SIPA1L2: variants seen among roughly 807,000 people sequenced by gnomAD.
SIPA1L2 encodes signal-induced proliferation-associated 1-like protein 2.
SIPA1L2 carries 56 observed loss-of-function variants against 163.9 expected under a neutral mutation model. The ratio of observed to expected loss-of-function variants is 0.34; its 90% CI spans 0.28 to 0.43. SIPA1L2 has a LOEUF of 0.43. SIPA1L2 is among the 20% of genes least tolerant of loss of function. The pLI, the probability that SIPA1L2 is intolerant of heterozygous loss-of-function variation, is 1.00. For missense variants in SIPA1L2, 1,974 were observed against 2,193.5 expected (o/e 0.90, Z 2.00); for synonymous variants, 877 against 865.7 (o/e 1.01, Z -0.23).
At chr1:232,616,932 C>T (rs1457842167) in intron 1 of SIPA1L2, among the ~76,000 whole-genome samples, 1 of 152,138 alleles carries the variant, frequency 6.6e-6, no homozygotes, top group East Asian at 1.9e-4. Flanking sequence ...ATTTTGCCAG[C>T]CAGTTCTCTT....
intron 5 of SIPA1L2, among the ~76,000 whole-genome samples, chr1:232,486,461 GGAATCAGTGGATGT>G (rs1353346779): frequency 4.6e-5 from 7 of 152,130 alleles, no homozygotes; most frequent in Non-Finnish European, 1.5e-5. Flanking sequence ...TGGGCCCATG[GGAATCAGTGGATGT>G]GACTAAAGCA....
At position 232,449,458 on chromosome 1, in the gene SIPA1L2, C is replaced by T. The variant is rs149081737; in HGVS notation, c.3096-3672G>A. ...GCGTGAACCCAAGAGGCGGAGCTTG[C>T]AGTGAGCTGAGATAGTGCCACTGCA... On this transcript the variant is annotated intron_variant, in intron 10 of 22. Transcript: ENST00000674635. Among the ~76,000 whole-genome samples, 790 of 146,554 alleles carry T rather than the reference C, an allele frequency of 5.4e-3. 7 individuals carry two copies. Among genetic ancestry groups the T allele is most frequent in the African/African-American group, 0.018 (718 of 39,348 alleles).
intron 18 of SIPA1L2, among the ~76,000 whole-genome samples, chr1:232,425,062 G>T (rs7523479): frequency 2.8e-4 from 43 of 152,264 alleles, no homozygotes; most frequent in African/African-American, 9.9e-4. Context: ...GGGGACACAA[G>T]AGAACACACG....
At chr1:232,498,355 C>T (rs1666302219) in intron 3 of SIPA1L2, among the ~76,000 whole-genome samples, 1 of 152,174 alleles carries the variant, frequency 6.6e-6, no homozygotes, top group South Asian at 2.1e-4. Context: ...CGGAGCAATA[C>T]AATTTCTTGA....
chr1:232,444,694 A>C (rs1203479638), intron 11 of SIPA1L2, among the ~76,000 whole-genome samples: 2 of 152,206 alleles, frequency 1.3e-5, no homozygotes, highest in Admixed American at 1.3e-4. Context: ...TCAGTCCTCA[A>C]AATTTCCTGA....
chr1:232,524,856 T>G (rs371256600), intron 2 of SIPA1L2, among the ~76,000 whole-genome samples: 1 of 152,216 alleles, frequency 6.6e-6, no homozygotes, highest in Non-Finnish European at 1.5e-5. Context: ...AGTAGCCTTA[T>G]GCATGCTTTC....
intron 2 of SIPA1L2, among the ~76,000 whole-genome samples, chr1:232,517,731 A>G (rs1667275704): frequency 6.6e-6 from 1 of 152,222 alleles, no homozygotes; most frequent in Non-Finnish European, 1.5e-5. Flanking sequence ...AATGGAAGAC[A>G]CCAATATATA....
At chr1:232,431,497 G>C (rs1248991613) in intron 16 of SIPA1L2, among the ~76,000 whole-genome samples, 2 of 152,178 alleles carry the variant, frequency 1.3e-5, no homozygotes, top group African/African-American at 4.8e-5. Flanking sequence ...AGCCATCCCA[G>C]TGTGGGTGCA....
At chr1:232,446,268 C>T (rs765703291) in intron 10 of SIPA1L2, among the ~76,000 whole-genome samples, 3 of 152,164 alleles carry the variant, frequency 2.0e-5, no homozygotes, top group Non-Finnish European at 4.4e-5. Flanking sequence ...AATTAGAAAT[C>T]TAAAGTCCAG....
At chr1:232,432,000 C>T (rs551914219) in intron 16 of SIPA1L2, among the ~76,000 whole-genome samples, 2 of 152,328 alleles carry the variant, frequency 1.3e-5, no homozygotes, top group African/African-American at 4.8e-5. Flanking sequence ...GTTACCATGA[C>T]TTTTCTATTG....
At chr1:232,587,924 G>A (rs897071631) in intron 1 of SIPA1L2, among the ~76,000 whole-genome samples, 4 of 152,136 alleles carry the variant, frequency 2.6e-5, no homozygotes, top group Non-Finnish European at 4.4e-5. Context: ...CATGTGAGAC[G>A]TGCCTTTCAC....
Position 232,540,026 on chromosome 1 carries a change from G to A in SIPA1L2, c.-269-24418C>T, listed in dbSNP as rs571506400. ...CAAGTTAAAACTTCAAATAAAGGCC[G>A]GGCACGGTGGCTCACACCTGTAATC... On this transcript the variant is annotated intron_variant, in intron 2 of 22. Transcript: ENST00000674635. Among the ~76,000 whole-genome samples, 165 of 152,202 alleles carry A rather than the reference G, an allele frequency of 1.1e-3. 1 individual carries two copies. The highest frequency in any genetic ancestry group is 0.01 in the Admixed American group (160 of 15,278).
chr1:232,444,718 A>G (rs898285028), intron 11 of SIPA1L2, among the ~76,000 whole-genome samples: 5 of 152,230 alleles, frequency 3.3e-5, no homozygotes, highest in African/African-American at 1.2e-4. Flanking sequence ...GGTTTGTCAG[A>G]TGAAGAAACT....
At chr1:232,450,046 C>T (rs1275796021) in intron 10 of SIPA1L2, among the ~76,000 whole-genome samples, 1 of 152,162 alleles carries the variant, frequency 6.6e-6, no homozygotes, top group African/African-American at 2.4e-5. Flanking sequence ...GTAGAGTGGA[C>T]TGAATACACC....
At chr1:232,595,219 C>T (rs1221976624) in intron 1 of SIPA1L2, among the ~76,000 whole-genome samples, 1 of 152,178 alleles carries the variant, frequency 6.6e-6, no homozygotes, top group Non-Finnish European at 1.5e-5. Flanking sequence ...TCTTCCCAGT[C>T]ACCAACTCTC....
At chr1:232,568,069 T>C (rs1659505982) in intron 2 of SIPA1L2, among the ~76,000 whole-genome samples, 1 of 152,222 alleles carries the variant, frequency 6.6e-6, no homozygotes, top group African/African-American at 2.4e-5. Context: ...ATGCATTTCA[T>C]CTGTAGAAGA....
chr1:232,503,361 G>T lies in SIPA1L2; in HGVS notation c.1484-9701C>A, dbSNP rs530041024. 4.7e-4 allele frequency among the ~76,000 whole-genome samples: 72 copies of T among 152,320 alleles called. 1 individual carries two copies. The South Asian group carries it at 0.011, about 24-fold the overall frequency. On this transcript the variant is annotated intron_variant, in intron 3 of 22. Transcript: ENST00000674635. Reference sequence around the variant, plus strand: ...CACAGGGAAAAAAAATGGGGGCAGGGGTGGTACATTGGACCCTAGCCCAAA... The same window carrying T: ...CACAGGGAAAAAAAATGGGGGCAGGTGTGGTACATTGGACCCTAGCCCAAA...
In SIPA1L2 at chr1:232,483,936, A is replaced by G. The variant is rs1665513593; in HGVS notation, c.1837T>C (p.Tyr613His). 1 of 1,613,178 alleles carries G rather than the reference A, an allele frequency of 6.2e-7. No individual in the cohort carries two copies. The highest frequency in any genetic ancestry group is 8.5e-7 in the Non-Finnish European group (1 of 1,179,738). The change falls in exon 6 of 23, where the codon TAT (tyrosine) becomes CAT (histidine). Residue 613 changes from tyrosine (Y) to histidine (H), a missense_variant. Coordinates refer to ENST00000674635, the MANE Select transcript of SIPA1L2 (RefSeq NM_020808.5). Reference protein sequence around the residue: ...LSFQHKIGILYCKAGQSTEEE... With the variant: ...LSFQHKIGILHCKAGQSTEEE... Reference sequence around the variant, plus strand: ...TCTGTGCTCTGGCCTGCTTTGCAATAAAGGATCCCGATCTTGTGCTGAAAG... The same window carrying G: ...TCTGTGCTCTGGCCTGCTTTGCAATGAAGGATCCCGATCTTGTGCTGAAAG...
chr1:232,564,193 A>C (rs1382589463), intron 2 of SIPA1L2, among the ~76,000 whole-genome samples: 3 of 69,102 alleles, frequency 4.3e-5, no homozygotes, highest in East Asian at 3.6e-4. Context: ...TGTGTGTTTC[A>C]TCATGTTGGC....
Sources: gnomAD v4.1 joint callset for allele counts (sites outside exome capture counted in the v4.1 genomes callset) on GRCh38, gnomAD v4.1.1 for gene constraint, MANE v1.5 for transcripts, NCBI Gene and HGNC (gene_info 2026-07-23, HGNC 2026-07-21) for gene names.